Variants in RANBP2 observed in about 807,000 individuals in gnomAD.
RANBP2 encodes the protein E3 SUMO-protein ligase RanBP2.
In RANBP2, 57 loss-of-function variants were observed where a neutral mutation model predicts 303.6. The observed-to-expected ratio is 0.19, with a 90% CI of 0.15 to 0.23. The LOEUF (loss-of-function observed/expected upper bound fraction) is 0.23. Among genes scored for constraint, RANBP2 ranks in the 10% least tolerant of loss-of-function variants. The pLI is 1.00. For synonymous variants in RANBP2, 1,167 were observed against 1,301.5 expected, an observed-to-expected ratio of 0.90 and a Z score of 2.23; for missense variants, 3,138 against 3,780.8, an observed-to-expected ratio of 0.83 and a Z score of 4.46.
At chr2:109,730,161 A>T in the RANBP2 span, among the ~76,000 whole-genome samples, 1 of 152,196 alleles carries the variant, frequency 6.6e-6, no homozygotes. Flanking sequence ...GTAGATTGTG[A>T]GGTTGACACC....
At chr2:109,510,971 C>T in the RANBP2 span, among the ~76,000 whole-genome samples, 10 of 152,314 alleles carry the variant, frequency 6.6e-5, no homozygotes, top group Middle Eastern at 3.4e-3. Context: ...CCTCTGCGCC[C>T]GCCCCATGCT....
chr2:108,781,147 A>T, intron 25 of RANBP2, 122 bp from the exon 26 acceptor site: 1 of 1,056,670 alleles, frequency 9.5e-7, no homozygotes, highest in Non-Finnish European at 1.4e-6. Context: ...ATATAATTTT[A>T]AACATTTAAA....
the RANBP2 span, among the ~76,000 whole-genome samples, chr2:108,900,696 G>A: frequency 1.4e-4 from 22 of 152,228 alleles, no homozygotes; most frequent in Admixed American, 3.3e-4. Flanking sequence ...TGAGAGAGGC[G>A]TTGGAAGTAA....
the RANBP2 span, among the ~76,000 whole-genome samples, chr2:109,332,009 T>C: frequency 0.5 from 76,411 of 152,062 alleles, 20,998 homozygotes; most frequent in Non-Finnish European, 0.62. Flanking sequence ...CGGCTGAGCC[T>C]GGGAGCAGCG....
At chr2:109,501,859 C>T in the RANBP2 span, 41 of 579,994 alleles carry the variant, frequency 7.1e-5, no homozygotes, top group East Asian at 8.1e-4. Context: ...AACCCCCAAA[C>T]GGAGAGCACA....
the RANBP2 span, among the ~76,000 whole-genome samples, chr2:109,137,701 C>T: frequency 6.6e-6 from 1 of 152,244 alleles, no homozygotes; most frequent in Non-Finnish European, 1.5e-5. Flanking sequence ...GGCTTAGGCA[C>T]ATTTCAGTAA....
the RANBP2 span, among the ~76,000 whole-genome samples, chr2:108,881,404 G>A: frequency 1.3e-5 from 2 of 152,218 alleles, no homozygotes; most frequent in African/African-American, 4.8e-5. Flanking sequence ...TGGCCGATTT[G>A]TATCAAGACC....
At chr2:109,116,979 T>G in the RANBP2 span, among the ~76,000 whole-genome samples, 5 of 152,188 alleles carry the variant, frequency 3.3e-5, no homozygotes, top group African/African-American at 1.2e-4. Flanking sequence ...GCTGTCTGAT[T>G]GTTCGTCTGG....
chr2:109,417,362 T>C, the RANBP2 span, among the ~76,000 whole-genome samples: 21 of 152,280 alleles, frequency 1.4e-4, no homozygotes, highest in African/African-American at 5.1e-4. Context: ...CCTGGCATTG[T>C]TGGGGACACC....
At chr2:108,827,169 T>C in the RANBP2 span, among the ~76,000 whole-genome samples, 1 of 152,110 alleles carries the variant, frequency 6.6e-6, no homozygotes, top group Non-Finnish European at 1.5e-5. Flanking sequence ...ATGTTTAGCA[T>C]TGAAAGGCAG....
At chr2:109,716,660 C>T in the RANBP2 span, among the ~76,000 whole-genome samples, 4 of 152,320 alleles carry the variant, frequency 2.6e-5, no homozygotes, top group Non-Finnish European at 5.9e-5. Flanking sequence ...GATTCTCCTA[C>T]CTCAGCTTCC....
chr2:109,738,176 TTCCTTA>T, the RANBP2 span, among the ~76,000 whole-genome samples: 2 of 152,148 alleles, frequency 1.3e-5, no homozygotes, highest in Non-Finnish European at 2.9e-5. Context: ...CCTAAGCATT[TTCCTTA>T]TGTTTTCTTC....
the RANBP2 span, chr2:109,585,130 CTTCT>C: frequency 6.4e-7 from 1 of 1,565,242 alleles, no homozygotes. Flanking sequence ...ACATACCTCT[CTTCT>C]TTATTTATTT....
At chr2:109,437,012 C>T in the RANBP2 span, 20 of 1,613,884 alleles carry the variant, frequency 1.2e-5, no homozygotes, top group Middle Eastern at 1.6e-4. Context: ...CTGGCCACTG[C>T]CACCAGGCCC....
the RANBP2 span, among the ~76,000 whole-genome samples, chr2:108,953,296 G>A: frequency 8.6e-5 from 13 of 152,044 alleles, no homozygotes; most frequent in Non-Finnish European, 1.5e-4. Context: ...AGCTTGTGCC[G>A]AGTCTTGGCC....
chr2:109,469,062 A>C, the RANBP2 span, among the ~76,000 whole-genome samples: 1 of 151,690 alleles, frequency 6.6e-6, no homozygotes, highest in Non-Finnish European at 1.5e-5. Flanking sequence ...CCAGGCATGT[A>C]AGCTGAGAAC....
the RANBP2 span, among the ~76,000 whole-genome samples, chr2:109,002,099 T>C: frequency 1.3e-5 from 2 of 152,350 alleles, no homozygotes; most frequent in Admixed American, 1.3e-4. Flanking sequence ...GGCTGCCATT[T>C]GCTGCCCCTT....
At chr2:108,772,052 C>T (rs1008677998) in intron 21 of RANBP2, among the ~76,000 whole-genome samples, 181 bp downstream of exon 21, 8 of 152,144 alleles carry the variant, frequency 5.3e-5, no homozygotes. Flanking sequence ...GGACTGCAAT[C>T]ATTAAGCAAG....
the RANBP2 span, among the ~76,000 whole-genome samples, chr2:109,535,838 G>A: frequency 5.9e-5 from 9 of 152,306 alleles, no homozygotes; most frequent in Middle Eastern, 3.4e-3. Flanking sequence ...TGGGTGCAAC[G>A]GAGCCAAGAG....
Sources: allele counts gnomAD v4.1 joint callset (sites outside exome capture counted in the v4.1 genomes callset), GRCh38; gene constraint gnomAD v4.1.1; transcripts MANE v1.5; gene names NCBI Gene and HGNC (gene_info 2026-07-23, HGNC 2026-07-21).